The following FER variants were observed in gnomAD, a reference collection of about 807,000 sequenced individuals.
FER encodes the protein tyrosine-protein kinase Fer.
A neutral mutation model predicts 111.0 loss-of-function variants in FER; 63 were observed. The observed-to-expected ratio is 0.57, with a 90% CI of 0.46 to 0.70. The LOEUF (loss-of-function observed/expected upper bound fraction) is 0.70. Ranked by LOEUF, FER falls within the 30% of genes least tolerant of loss-of-function variation. FER has a pLI of 0.00. For synonymous variants in FER, 327 were observed against 313.9 expected (o/e 1.04, Z -0.44); for missense variants, 914 against 954.0 (o/e 0.96, Z 0.55).
chr5:109,108,483 C>T (rs899678801), intron 17 of FER, among the ~76,000 whole-genome samples: 6 of 152,116 alleles, frequency 3.9e-5, no homozygotes, highest in Non-Finnish European at 8.8e-5. Flanking sequence ...TAGATCCTAT[C>T]TCTGTATTTT....
intron 2 of FER, among the ~76,000 whole-genome samples, chr5:108,769,210 A>G (rs1417229579): frequency 1.3e-5 from 2 of 152,178 alleles, no homozygotes; most frequent in Non-Finnish European, 2.9e-5. Flanking sequence ...AGGGTCATAT[A>G]AGGCTCCTCT....
chr5:109,037,184 TTCGAAGGCTGAGATTTCTGATAGA>T (rs1196690359), intron 13 of FER, among the ~76,000 whole-genome samples: 3 of 152,048 alleles, frequency 2.0e-5, no homozygotes, highest in African/African-American at 7.2e-5. Context: ...ATACTATCAT[TTCGAAGGCTGAGATTTCTGATAGA>T]ATTTGGCTGT....
chr5:108,931,627 C>T (rs112129927), intron 10 of FER, among the ~76,000 whole-genome samples: 19,067 of 152,002 alleles, frequency 0.13, 1,252 homozygotes, highest in Middle Eastern at 0.17. Context: ...GTCAGGAGTT[C>T]GAGACCAGCC....
chr5:109,018,178 A>C (rs887804595), intron 13 of FER, among the ~76,000 whole-genome samples: 1 of 151,866 alleles, frequency 6.6e-6, no homozygotes, highest in Non-Finnish European at 1.5e-5. Context: ...AGACTGAGAC[A>C]AACAGGCTGA....
chr5:108,985,285 A>T (rs994883366), intron 13 of FER, among the ~76,000 whole-genome samples: 3 of 152,204 alleles, frequency 2.0e-5, no homozygotes, highest in Non-Finnish European at 4.4e-5. Context: ...AGCAAAATTT[A>T]AAAAGCTGGA....
intron 9 of FER, among the ~76,000 whole-genome samples, 153 bp downstream of exon 9, chr5:108,883,671 G>GA (rs1765898964): frequency 6.6e-6 from 1 of 151,912 alleles, no homozygotes; most frequent in Non-Finnish European, 1.5e-5. Context: ...TAGGATTCTG[G>GA]AAAAATGATT....
chr5:108,883,405 G>T lies in FER; in HGVS notation c.933G>T (p.Thr311=), dbSNP rs374674458. 1 of 1,603,930 alleles carries T rather than the reference G, an allele frequency of 6.2e-7. No individual in the cohort carries two copies. The highest frequency in any genetic ancestry group is 8.5e-7 in the Non-Finnish European group (1 of 1,174,608). Residue 311 remains threonine, a synonymous_variant, in exon 9 of 20, where the codon ACG becomes ACT. Transcript: ENST00000281092. ...TAESLQVMLK[T]LAEELMQTQQ... ...ATACTGTTTATTCTAGGTTGAAAAC[G>T]TTAGCGGAAGAACTTATGCAAACAC...
intron 17 of FER, among the ~76,000 whole-genome samples, chr5:109,172,275 A>C (rs1256795035): frequency 2.6e-5 from 4 of 151,996 alleles, no homozygotes; most frequent in African/African-American, 7.3e-5. Flanking sequence ...AAAATGTGGC[A>C]CATATACACC....
intron 17 of FER, among the ~76,000 whole-genome samples, chr5:109,171,612 A>C (rs1372932626): frequency 6.6e-6 from 1 of 152,214 alleles, no homozygotes; most frequent in Non-Finnish European, 1.5e-5. Context: ...ATTGCATCCA[A>C]GTATAACATT....
intron 10 of FER, among the ~76,000 whole-genome samples, chr5:108,931,658 C>T (rs1408966123): frequency 3.9e-5 from 6 of 151,966 alleles, no homozygotes; most frequent in African/African-American, 9.7e-5. Flanking sequence ...GGTGAAACCC[C>T]GTCTCTACTA....
At chr5:109,150,036 G>A (rs1353789606) in intron 17 of FER, among the ~76,000 whole-genome samples, 2 of 152,088 alleles carry the variant, frequency 1.3e-5, no homozygotes, top group African/African-American at 2.4e-5. Flanking sequence ...AAAATCTAAT[G>A]CCTGATGGTC....
At chr5:109,017,234 G>C (rs1767268693) in intron 13 of FER, among the ~76,000 whole-genome samples, 1 of 151,772 alleles carries the variant, frequency 6.6e-6, no homozygotes, top group Non-Finnish European at 1.5e-5. Flanking sequence ...GAGGGGCTAG[G>C]AAAGAAAAAT....
At chr5:108,935,546 C>A (rs139406503) in intron 10 of FER, among the ~76,000 whole-genome samples, 2 of 152,080 alleles carry the variant, frequency 1.3e-5, no homozygotes, top group South Asian at 2.1e-4. Context: ...GAGTGGGGTG[C>A]GGGGAGGTGG....
At chr5:109,128,604 A>G (rs534130865) in intron 17 of FER, among the ~76,000 whole-genome samples, 1 of 152,302 alleles carries the variant, frequency 6.6e-6, no homozygotes, top group South Asian at 2.1e-4. Context: ...GCCCCAGTGT[A>G]GCAATGCAGA....
chr5:109,153,652 C>T (rs1755081534), intron 17 of FER, among the ~76,000 whole-genome samples: 1 of 151,718 alleles, frequency 6.6e-6, no homozygotes, highest in African/African-American at 2.4e-5. Flanking sequence ...TTTCTATTTG[C>T]CAGGATCTAT....
intron 8 of FER, among the ~76,000 whole-genome samples, chr5:108,878,970 T>G (rs1001519829): frequency 1.3e-5 from 2 of 152,140 alleles, no homozygotes; most frequent in Non-Finnish European, 2.9e-5. Flanking sequence ...ACCGGCTCTG[T>G]GACGGTGGAC....
intron 10 of FER, among the ~76,000 whole-genome samples, chr5:108,914,868 AGAG>A (rs933541518): frequency 1.3e-5 from 2 of 152,328 alleles, no homozygotes; most frequent in African/African-American, 4.8e-5. Context: ...AATTTAGAAT[AGAG>A]GAGAAGGCTT....
At chr5:109,091,089 T>A (rs770468168) in intron 16 of FER, among the ~76,000 whole-genome samples, 7 of 152,226 alleles carry the variant, frequency 4.6e-5, no homozygotes, top group Non-Finnish European at 7.3e-5. Flanking sequence ...GAAGGTGTGG[T>A]TGAACCAATT....
chr5:109,146,914 C>T (rs753329709), intron 17 of FER, among the ~76,000 whole-genome samples: 3 of 151,938 alleles, frequency 2.0e-5, no homozygotes, highest in Non-Finnish European at 4.4e-5. Context: ...CCTTAGAAAT[C>T]TATCAGAAGA....
Sources: allele counts gnomAD v4.1 joint callset (sites outside exome capture counted in the v4.1 genomes callset), GRCh38; gene constraint gnomAD v4.1.1; transcripts MANE v1.5; gene names NCBI Gene and HGNC (gene_info 2026-07-23, HGNC 2026-07-21).